Variants in CAPZA1 observed in about 807,000 individuals in gnomAD.
The protein encoded by CAPZA1 is F-actin-capping protein subunit alpha-1.
Under a neutral mutation model 40.8 loss-of-function variants are expected in CAPZA1, and 10 were observed. The observed-to-expected ratio is 0.25, with a 90% CI of 0.15 to 0.42. The LOEUF (loss-of-function observed/expected upper bound fraction) is 0.42, where lower values mean the gene tolerates loss of function less well. Among genes scored for constraint, CAPZA1 ranks in the 10% least tolerant of loss-of-function variants. The pLI, the probability that CAPZA1 is intolerant of heterozygous loss-of-function variation, is 1.00. For synonymous variants in CAPZA1, 98 were observed against 115.0 expected (o/e 0.85, Z 0.95); for missense variants, 277 against 353.8 (o/e 0.78, Z 1.74).
intron 1 of CAPZA1, chr1:112,626,188 A>G (rs534354909): frequency 2.0e-5 from 3 of 152,272 alleles, no homozygotes; most frequent in South Asian, 2.1e-4. Context: ...AACCTGCTTG[A>G]CAGACAAGAG....
chr1:112,636,005 G>T (rs975734048), intron 1 of CAPZA1, among the ~76,000 whole-genome samples: 2 of 152,242 alleles, frequency 1.3e-5, no homozygotes, highest in Admixed American at 1.3e-4. Flanking sequence ...CTCCAGCCTC[G>T]GTGACAGAGC....
chr1:112,630,193 C>T (rs970224855), intron 1 of CAPZA1, among the ~76,000 whole-genome samples: 3 of 151,874 alleles, frequency 2.0e-5, no homozygotes, highest in Admixed American at 6.6e-5. Flanking sequence ...ACTGCAGGCA[C>T]GCAACTAATT....
At chr1:112,625,443 C>T (rs1306305541) in intron 1 of CAPZA1, among the ~76,000 whole-genome samples, 1 of 152,112 alleles carries the variant, frequency 6.6e-6, no homozygotes, top group Non-Finnish European at 1.5e-5. Context: ...GAAAAAGTTT[C>T]CAAGGCATGA....
At chr1:112,642,334 C>G (rs1477163360) in intron 1 of CAPZA1, among the ~76,000 whole-genome samples, 1 of 151,496 alleles carries the variant, frequency 6.6e-6, no homozygotes, top group Non-Finnish European at 1.5e-5. Context: ...CTGCCTCAGC[C>G]TCCCGAGTAG....
rs140993095 is a variant in CAPZA1, at chr1:112,670,354, C to CTTTT, written c.*226_*229dup. The CTTTT allele has an allele frequency of 1.1e-4, 14 of 130,650 alleles. No individual in the cohort carries two copies. The highest frequency in any genetic ancestry group is 5.0e-4 in the South Asian group (2 of 3,968). The allele number at this position is 130,650 out of a possible 1,614,324, so 8.1% of individuals were successfully genotyped here. ...GTTACTGCTATATCTACGTGTAAAT[C>CTTTT]TTTTTTTCTTTTTTTTTTTTTTTTT... is the stretch of plus-strand genomic sequence containing the variant. On this transcript the variant is annotated 3_prime_UTR_variant, in exon 10 of 10. Coordinates refer to ENST00000263168, the MANE Select transcript of CAPZA1 (RefSeq NM_006135.3).
At chr1:112,668,634 T>A (rs1365769512) in intron 8 of CAPZA1, among the ~76,000 whole-genome samples, 3 of 152,102 alleles carry the variant, frequency 2.0e-5, no homozygotes, top group African/African-American at 7.2e-5. Context: ...TACAGGTGTC[T>A]GCCACCATGC....
intron 2 of CAPZA1, 96 bp downstream of exon 2, chr1:112,647,369 G>A (rs1671301511): frequency 6.5e-6 from 4 of 615,694 alleles, no homozygotes; most frequent in Non-Finnish European, 1.0e-5. Flanking sequence ...TGTAGCCATA[G>A]CTAAGTAAAT....
chr1:112,653,883 A>G (rs1671448380), intron 4 of CAPZA1, among the ~76,000 whole-genome samples: 2 of 152,218 alleles, frequency 1.3e-5, no homozygotes, highest in African/African-American at 4.8e-5. Context: ...GTGAAAATGG[A>G]AGTATTTAAG....
chr1:112,645,604 A>G (rs559374785), intron 1 of CAPZA1, among the ~76,000 whole-genome samples: 5 of 152,186 alleles, frequency 3.3e-5, no homozygotes, highest in Non-Finnish European at 5.9e-5. Context: ...ACTGCACTCT[A>G]GCCTGAGCAA....
chr1:112,644,524 A>AT (rs904041430), intron 1 of CAPZA1, among the ~76,000 whole-genome samples: 3 of 151,010 alleles, frequency 2.0e-5, no homozygotes, highest in African/African-American at 7.3e-5. Flanking sequence ...TCTTGAACGT[A>AT]TTTTTTTTTC....
chr1:112,663,271 C>T (rs1671656424), intron 7 of CAPZA1, among the ~76,000 whole-genome samples: 1 of 151,696 alleles, frequency 6.6e-6, no homozygotes, highest in South Asian at 2.1e-4. Flanking sequence ...GCTCATTCCC[C>T]TTTTGAATGT....
At chr1:112,621,288 A>ATT (rs58049077) in intron 1 of CAPZA1, among the ~76,000 whole-genome samples, 1 of 148,420 alleles carries the variant, frequency 6.7e-6, no homozygotes, top group African/African-American at 2.5e-5. Flanking sequence ...CAACTAAACA[A>ATT]TTTTTTTTTT....
At position 112,634,041 on chromosome 1, in the gene CAPZA1, C is replaced by A. The variant is rs141370049; in HGVS notation, c.40-13169C>A. Among the ~76,000 whole-genome samples, 987 of 152,168 alleles carry A rather than the reference C, an allele frequency of 6.5e-3. 3 individuals carry two copies. Among genetic ancestry groups the A allele is most frequent in the Non-Finnish European group, 0.01 (711 of 67,972 alleles). ...TTCCTCCCAGTCACTTAGTTGTCTC[C>A]TCTTACTGTTAATTTTCTCCTTTGC... On this transcript the variant is annotated intron_variant, in intron 1 of 9. Transcript: ENST00000263168.
intron 1 of CAPZA1, among the ~76,000 whole-genome samples, chr1:112,639,977 C>T: frequency 7.6e-6 from 1 of 131,866 alleles, no homozygotes; most frequent in African/African-American, 2.8e-5. Context: ...GGGTCAGCCC[C>T]CCGCCCGGCC....
chr1:112,633,234 C>G (rs1170117010), intron 1 of CAPZA1, among the ~76,000 whole-genome samples: 1 of 152,142 alleles, frequency 6.6e-6, no homozygotes, highest in Non-Finnish European at 1.5e-5. Flanking sequence ...TTTCCTTTCC[C>G]CATCCCTTCC....
Position 112,653,652 on chromosome 1 carries a change from T to C in CAPZA1, c.210T>C (p.Tyr70=). The stretch of plus-strand genomic sequence containing the variant: ...TCACGCCTGTGAAGATAGAAGGATA[T>C]GAAGATCAGGTAATAATTGCCTTTT... ...DQFTPVKIEG[Y]EDQVLITEHG... Residue 70 remains tyrosine (Y), a synonymous_variant, in exon 4 of 10, where the codon TAT becomes TAC. Transcript: ENST00000263168. 1 of 1,603,616 alleles carries C rather than the reference T, an allele frequency of 6.2e-7. No individual in the cohort carries two copies. Among genetic ancestry groups the C allele is most frequent in the South Asian group, 1.1e-5 (1 of 89,748 alleles).
At chr1:112,652,176 A>G (rs564057956) in intron 3 of CAPZA1, among the ~76,000 whole-genome samples, 170 of 151,180 alleles carry the variant, frequency 1.1e-3, no homozygotes, top group African/African-American at 3.9e-3. Context: ...TTTTAACAAA[A>G]TAAGATTGAA....
chr1:112,649,444 A>G lies in CAPZA1; in HGVS notation c.130A>G (p.Asn44Asp). The change falls in exon 3 of 10, where the codon AAT becomes GAT. Residue 44 changes from asparagine to aspartate, a missense_variant. By Grantham distance (23) the Asn-to-Asp change is conservative (BLOSUM62 1). Coordinates refer to ENST00000263168, the MANE Select transcript of CAPZA1 (RefSeq NM_006135.3). ...NDVRLLLNND[N>D]LLREGAAHAF... ...CGTTCGGCTACTACTTAATAATGAC[A>G]ATCTCCTCAGGGAAGGGGCAGCACA... 1 of 1,612,886 alleles carries G rather than the reference A, an allele frequency of 6.2e-7. No individual in the cohort carries two copies. The highest frequency in any genetic ancestry group is 8.5e-7 in the Non-Finnish European group (1 of 1,179,092).
chr1:112,648,954 A>T (rs1454991329), intron 2 of CAPZA1, among the ~76,000 whole-genome samples: 3 of 145,512 alleles, frequency 2.1e-5, no homozygotes, highest in Non-Finnish European at 4.5e-5. Flanking sequence ...CAGGAGTGAG[A>T]CTTCGTCTCA....
Sources: gnomAD v4.1 joint callset for allele counts (sites outside exome capture counted in the v4.1 genomes callset) on GRCh38, gnomAD v4.1.1 for gene constraint, MANE v1.5 for transcripts, NCBI Gene and HGNC (gene_info 2026-07-23, HGNC 2026-07-21) for gene names.